The following SPOCK3 variants were observed in gnomAD, a reference collection of about 807,000 sequenced individuals.
SPOCK3 encodes the protein testican-3.
A neutral mutation model predicts 56.6 loss-of-function variants in SPOCK3; 30 were observed. That is an observed-to-expected ratio of 0.53 (90% confidence interval 0.40 to 0.72). The LOEUF is 0.72. Ranked by LOEUF, SPOCK3 falls within the 30% of genes least tolerant of loss-of-function variation. The pLI is 0.00. For synonymous variants in SPOCK3, 196 were observed against 183.3 expected, an observed-to-expected ratio of 1.07 and a Z score of -0.56; for missense variants, 527 against 530.0, an observed-to-expected ratio of 0.99 and a Z score of 0.06.
intron 5 of SPOCK3, among the ~76,000 whole-genome samples, chr4:166,901,298 G>T (rs1317395020): frequency 6.6e-6 from 1 of 152,004 alleles, no homozygotes; most frequent in African/African-American, 2.4e-5. Flanking sequence ...AACTGAATTG[G>T]GAAACCTGAG....
At chr4:166,881,743 A>G (rs1274949565) in intron 6 of SPOCK3, among the ~76,000 whole-genome samples, 1 of 152,134 alleles carries the variant, frequency 6.6e-6, no homozygotes, top group Non-Finnish European at 1.5e-5. Context: ...TAAAGAAACT[A>G]TAAGCTCAAA....
intron 2 of SPOCK3, among the ~76,000 whole-genome samples, chr4:167,184,939 T>C (rs1157320649): frequency 6.6e-6 from 1 of 152,180 alleles, no homozygotes; most frequent in Non-Finnish European, 1.5e-5. Flanking sequence ...ATGTCTGATA[T>C]TCAATTGTAA....
At chr4:166,800,854 A>T (rs1742511462) in intron 6 of SPOCK3, among the ~76,000 whole-genome samples, 2 of 152,172 alleles carry the variant, frequency 1.3e-5, no homozygotes, top group African/African-American at 4.8e-5. Context: ...AGGCCTTCAC[A>T]TTCACTCACC....
intron 2 of SPOCK3, among the ~76,000 whole-genome samples, chr4:167,132,709 C>T (rs1314303459): frequency 2.0e-5 from 3 of 152,084 alleles, no homozygotes; most frequent in Non-Finnish European, 4.4e-5. Flanking sequence ...CATTCTTTAC[C>T]TCTCTCTTAG....
At chr4:166,893,993 T>C (rs1004908038) in intron 5 of SPOCK3, among the ~76,000 whole-genome samples, 1 of 152,064 alleles carries the variant, frequency 6.6e-6, no homozygotes, top group Non-Finnish European at 1.5e-5. Context: ...TTAAATCCAT[T>C]TGTTCATTCA....
intron 2 of SPOCK3, among the ~76,000 whole-genome samples, chr4:167,187,763 T>C (rs1732128920): frequency 6.6e-6 from 1 of 152,188 alleles, no homozygotes; most frequent in Admixed American, 6.5e-5. Context: ...GATTCCTCAA[T>C]TAAAATGAGT....
At chr4:166,939,549 C>A (rs773215650) in intron 4 of SPOCK3, among the ~76,000 whole-genome samples, 1 of 152,088 alleles carries the variant, frequency 6.6e-6, no homozygotes, top group South Asian at 2.1e-4. Flanking sequence ...TAGTTCTATG[C>A]AGGAAATGAT....
At chr4:166,783,343 A>G in intron 7 of SPOCK3, among the ~76,000 whole-genome samples, 1 of 152,110 alleles carries the variant, frequency 6.6e-6, no homozygotes, top group Non-Finnish European at 1.5e-5. Flanking sequence ...TGGGCAACAG[A>G]ACGAGAGTCT....
At chr4:167,120,375 G>C (rs935116054) in intron 2 of SPOCK3, among the ~76,000 whole-genome samples, 2 of 151,924 alleles carry the variant, frequency 1.3e-5, no homozygotes, top group Non-Finnish European at 2.9e-5. Flanking sequence ...TAAGGTTGTA[G>C]AAATTTTAGA....
At chr4:166,949,143 G>C (rs1208427222) in intron 4 of SPOCK3, among the ~76,000 whole-genome samples, 1 of 152,110 alleles carries the variant, frequency 6.6e-6, no homozygotes, top group Non-Finnish European at 1.5e-5. Context: ...ATCCGCTCCT[G>C]AGGCTTCTGC....
intron 2 of SPOCK3, among the ~76,000 whole-genome samples, chr4:167,209,504 C>T (rs1032930200): frequency 2.0e-5 from 3 of 152,048 alleles, no homozygotes; most frequent in Non-Finnish European, 1.5e-5. Flanking sequence ...TGTTTGGAGG[C>T]TAGAAGAAAA....
In SPOCK3 at chr4:166,889,370, C is replaced by A. The variant is rs191724060; in HGVS notation, c.475-126G>T. The A allele has an allele frequency of 2.0e-5, 12 of 614,810 alleles. No homozygotes were observed. In the African/African-American group the frequency reaches 2.0e-4, roughly 10 times the overall value. 38.1% of individuals were successfully genotyped at this position (614,810 alleles called of 1,614,324 possible). A position where few individuals can be genotyped will look rare whatever the true frequency, so the allele number is the denominator to read the frequency against. ...TTGGAGATTTTTCCACCAGGTAATA[C>A]GTCTCCAATACTAAAGTGCAATATT... On this transcript the variant is annotated intron_variant, in intron 5 of 10. Coordinates refer to ENST00000357545, the MANE Select transcript of SPOCK3 (RefSeq NM_001040159.2).
At chr4:166,766,881 A>C (rs1441371009) in intron 7 of SPOCK3, among the ~76,000 whole-genome samples, 1 of 152,134 alleles carries the variant, frequency 6.6e-6, no homozygotes, top group Non-Finnish European at 1.5e-5. Context: ...TTATTGGTCT[A>C]TTCAGGGATT....
At chr4:166,781,225 G>C (rs1290828703) in intron 7 of SPOCK3, among the ~76,000 whole-genome samples, 1 of 152,132 alleles carries the variant, frequency 6.6e-6, no homozygotes, top group Non-Finnish European at 1.5e-5. Context: ...CAAAGCACTT[G>C]ATAGAACCAG....
intron 2 of SPOCK3, among the ~76,000 whole-genome samples, chr4:167,107,431 TTTCATAAAATCTGACATCCC>T (rs1358896916): frequency 3.3e-5 from 5 of 151,910 alleles, no homozygotes; most frequent in African/African-American, 1.2e-4. Context: ...AAAAAAAGCA[TTTCATAAAATCTGACATCCC>T]TTCATGATAA....
chr4:167,100,442 GTC>G (rs1220478574), intron 2 of SPOCK3, among the ~76,000 whole-genome samples: 4 of 144,386 alleles, frequency 2.8e-5, no homozygotes, highest in South Asian at 4.4e-4. Context: ...CTTTCTCTCT[GTC>G]TCTCTCTCTC....
intron 3 of SPOCK3, among the ~76,000 whole-genome samples, chr4:167,059,654 A>T (rs1431513723): frequency 6.6e-5 from 10 of 152,110 alleles, no homozygotes; most frequent in Non-Finnish European, 1.2e-4. Context: ...ATTACTGGGT[A>T]TATACCCAAA....
chr4:167,190,684 C>T (rs1209373423), intron 2 of SPOCK3, among the ~76,000 whole-genome samples: 1 of 145,482 alleles, frequency 6.9e-6, no homozygotes, highest in Non-Finnish European at 1.5e-5. Context: ...AAGATCATTG[C>T]CAAAACAAAT....
intron 4 of SPOCK3, among the ~76,000 whole-genome samples, chr4:166,921,907 T>A (rs541118863): frequency 6.6e-6 from 1 of 152,114 alleles, no homozygotes; most frequent in Non-Finnish European, 1.5e-5. Context: ...AGATACTGTT[T>A]AGTTATTTGC....
Sources: allele counts gnomAD v4.1 joint callset (sites outside exome capture counted in the v4.1 genomes callset), GRCh38; gene constraint gnomAD v4.1.1; transcripts MANE v1.5; gene names NCBI Gene and HGNC (gene_info 2026-07-23, HGNC 2026-07-21).